The following BMP2K variants were observed in gnomAD, a reference collection of about 807,000 sequenced individuals.
BMP2K encodes BMP2 inducible kinase.
Under a neutral mutation model 116.0 loss-of-function variants are expected in BMP2K, and 74 were observed. The observed-to-expected ratio is 0.64, with a 90% CI of 0.53 to 0.77. The LOEUF (loss-of-function observed/expected upper bound fraction) is 0.77. BMP2K is among the 30% of genes least tolerant of loss of function. The pLI is 0.00. For synonymous variants in BMP2K, 486 were observed against 502.5 expected (o/e 0.97, Z 0.44); for missense variants, 1,365 against 1,403.6 (o/e 0.97, Z 0.44).
At chr4:78,829,408 T>TG (rs1382685366) in intron 2 of BMP2K, among the ~76,000 whole-genome samples, 1 of 151,782 alleles carries the variant, frequency 6.6e-6, no homozygotes, top group Non-Finnish European at 1.5e-5. Context: ...TTTTGTTTTT[T>TG]TTTTTTTTTC....
chr4:78,811,767 C>T (rs1047839153), intron 1 of BMP2K, among the ~76,000 whole-genome samples: 3 of 152,268 alleles, frequency 2.0e-5, no homozygotes, highest in Non-Finnish European at 4.4e-5. Flanking sequence ...TAAGACATTT[C>T]TCTCGGCCAA....
chr4:78,901,235 T>A (rs995286115), intron 15 of BMP2K, among the ~76,000 whole-genome samples: 22 of 151,608 alleles, frequency 1.5e-4, no homozygotes, highest in Admixed American at 6.6e-4. Flanking sequence ...TTATTATTTT[T>A]TTTTTTGTAG....
chr4:78,803,810 A>G (rs1004949830), intron 1 of BMP2K, among the ~76,000 whole-genome samples: 3 of 152,184 alleles, frequency 2.0e-5, no homozygotes, highest in Non-Finnish European at 4.4e-5. Flanking sequence ...ACCTAAGAGC[A>G]TAATATATGA....
At chr4:78,904,784 T>C (rs1412744091) in intron 15 of BMP2K, among the ~76,000 whole-genome samples, 3 of 151,974 alleles carry the variant, frequency 2.0e-5, no homozygotes, top group Non-Finnish European at 4.4e-5. Flanking sequence ...TAAGTTCTAC[T>C]TGAAATGGCT....
intron 15 of BMP2K, among the ~76,000 whole-genome samples, chr4:78,893,506 C>G (rs745513138): frequency 2.0e-5 from 3 of 152,186 alleles, no homozygotes; most frequent in Non-Finnish European, 2.9e-5. Flanking sequence ...TTACTTTGCA[C>G]AGATTCATGA....
intron 15 of BMP2K, among the ~76,000 whole-genome samples, chr4:78,908,046 TATC>T (rs1734376455): frequency 6.6e-6 from 1 of 152,364 alleles, no homozygotes; most frequent in Admixed American, 6.5e-5. Context: ...TTGTTTTTAA[TATC>T]ATAAATACGC....
rs576080480 is a variant in BMP2K, at chr4:78,912,464, C to T, written c.*431C>T. On this transcript the variant is annotated 3_prime_UTR_variant, in exon 16 of 16. Transcript: ENST00000502613. ...TACACTTGTGAATTTTTTTTAAGGTCTCTTTTAATTTCCAGACAGTTAAAA... is the reference window on the plus strand; with the variant it reads ...TACACTTGTGAATTTTTTTTAAGGTTTCTTTTAATTTCCAGACAGTTAAAA... 1 of 156,574 alleles carries T rather than the reference C, an allele frequency of 6.4e-6. No individual in the cohort carries two copies. Among genetic ancestry groups the T allele is most frequent in the Admixed American group, 6.3e-5 (1 of 15,910 alleles). The allele number at this position is 156,574 out of a possible 1,614,324, so 9.7% of individuals were successfully genotyped here.
In BMP2K at chr4:78,911,964, T is replaced by TCAGTCCCAA. The variant is rs762398126; in HGVS notation, c.3428_3436dup (p.Gln1143_Gln1145dup). The stretch of plus-strand genomic sequence containing the variant: ...TTGTGGTGCAAAGCATCACTCCACA[T>TCAGTCCCAA]CAGTCCCAACAGTCCCAACCAGTCG... On this transcript the variant is annotated inframe_insertion, in exon 16 of 16. Coordinates refer to ENST00000502613, the MANE Select transcript of BMP2K (RefSeq NM_198892.2). 6.2e-7 allele frequency: 1 copy of TCAGTCCCAA among 1,613,992 alleles called. No individual in the cohort carries two copies. Among genetic ancestry groups the TCAGTCCCAA allele is most frequent in the Non-Finnish European group, 8.5e-7 (1 of 1,179,870 alleles).
intron 1 of BMP2K, among the ~76,000 whole-genome samples, chr4:78,810,222 A>G (rs754027132): frequency 6.6e-6 from 1 of 152,202 alleles, no homozygotes; most frequent in African/African-American, 2.4e-5. Flanking sequence ...AATGCAGTTT[A>G]TAGCTCCTCG....
chr4:78,779,509 A>G (rs1438030644), intron 1 of BMP2K, among the ~76,000 whole-genome samples: 5 of 152,240 alleles, frequency 3.3e-5, no homozygotes, highest in Non-Finnish European at 7.3e-5. Context: ...TGTTTACACT[A>G]TGTAAGCTGA....
chr4:78,886,208 T>G (rs1733074719), intron 14 of BMP2K, among the ~76,000 whole-genome samples: 1 of 151,872 alleles, frequency 6.6e-6, no homozygotes. Context: ...TACTAGGGAG[T>G]CAGGATATAT....
chr4:78,814,879 AGAGACTG>A (rs1490055707), intron 1 of BMP2K, among the ~76,000 whole-genome samples: 1 of 152,168 alleles, frequency 6.6e-6, no homozygotes, highest in Non-Finnish European at 1.5e-5. Flanking sequence ...ATTCACATCT[AGAGACTG>A]GCACTTTAAT....
chr4:78,902,942 T>C (rs1734086825), intron 15 of BMP2K, among the ~76,000 whole-genome samples: 2 of 152,124 alleles, frequency 1.3e-5, no homozygotes, highest in Non-Finnish European at 2.9e-5. Context: ...ATTCTTTTTA[T>C]GAAGTATTTG....
chr4:78,873,228 T>C (rs1237202682), intron 13 of BMP2K, among the ~76,000 whole-genome samples: 2 of 152,222 alleles, frequency 1.3e-5, no homozygotes, highest in African/African-American at 4.8e-5. Flanking sequence ...GTATAAACAT[T>C]TTTACATATA....
chr4:78,912,241 T>C lies in BMP2K; in HGVS notation c.*208T>C, dbSNP rs1484306220. 6 of 509,976 alleles carry C rather than the reference T, an allele frequency of 1.2e-5. No individual in the cohort carries two copies. The highest frequency in any genetic ancestry group is 1.1e-4 in the Admixed American group (3 of 27,804). The allele number at this position is 509,976 out of a possible 1,614,324, so 31.6% of individuals were successfully genotyped here. On this transcript the variant is annotated 3_prime_UTR_variant, in exon 16 of 16. Coordinates refer to ENST00000502613, the MANE Select transcript of BMP2K (RefSeq NM_198892.2). ...CTCTTCAGGAGAAAAGGGAGCTAAA[T>C]TGCAAGCTCTAACTAAGGGTTTCTG...
Position 78,851,061 on chromosome 4 carries a change from G to C in BMP2K, c.883+5G>C. ...GTAACATACATTGCTTAATAAGTAA[G>C]TATTTGGGAAAATGTATGAAAATAT... is the stretch of plus-strand genomic sequence containing the variant. On this transcript the variant is annotated splice_donor_5th_base_variant and intron_variant, in intron 7 of 15. Coordinates refer to ENST00000502613, the MANE Select transcript of BMP2K (RefSeq NM_198892.2). The C allele has an allele frequency of 6.2e-7, 1 of 1,605,014 alleles. No homozygotes were observed. Among genetic ancestry groups the C allele is most frequent in the Non-Finnish European group, 8.5e-7 (1 of 1,175,284 alleles).
chr4:78,782,655 A>T (rs1727559924), intron 1 of BMP2K, among the ~76,000 whole-genome samples: 1 of 152,238 alleles, frequency 6.6e-6, no homozygotes, highest in South Asian at 2.1e-4. Context: ...AAAGAAAAAA[A>T]ATAACCCAGA....
intron 13 of BMP2K, among the ~76,000 whole-genome samples, chr4:78,874,410 A>G (rs79609751): frequency 0.095 from 14,460 of 152,192 alleles, 2,251 homozygotes; most frequent in African/African-American, 0.33. Context: ...AAATTTGCTA[A>G]GTCCCCTAGT....
chr4:78,777,418 G>A (rs965079076), intron 1 of BMP2K, among the ~76,000 whole-genome samples: 2 of 152,182 alleles, frequency 1.3e-5, no homozygotes, highest in African/African-American at 4.8e-5. Flanking sequence ...TTCACTTAAC[G>A]AGGTTTTGTG....
Sources: gnomAD v4.1 joint callset for allele counts (sites outside exome capture counted in the v4.1 genomes callset) on GRCh38, gnomAD v4.1.1 for gene constraint, MANE v1.5 for transcripts, NCBI Gene and HGNC (gene_info 2026-07-23, HGNC 2026-07-21) for gene names.